CNTNAP2: variants seen among roughly 807,000 people sequenced by gnomAD.
The protein encoded by CNTNAP2 is contactin-associated protein-like 2.
Under a neutral mutation model 155.2 loss-of-function variants are expected in CNTNAP2, and 98 were observed. The ratio of observed to expected loss-of-function variants is 0.63; its 90% CI spans 0.54 to 0.75. The LOEUF (loss-of-function observed/expected upper bound fraction) is 0.75. Among genes scored for constraint, CNTNAP2 ranks in the 30% least tolerant of loss-of-function variants. CNTNAP2 has a pLI of 0.00. For missense variants in CNTNAP2, 1,727 were observed against 1,688.1 expected (o/e 1.02, Z -0.40); for synonymous variants, 651 against 631.2 (o/e 1.03, Z -0.47).
At position 146,508,814 on chromosome 7, in the gene CNTNAP2, A is replaced by G. The variant is rs375260412; in HGVS notation, c.98-265457A>G. On this transcript the variant is annotated intron_variant, in intron 1 of 23. Coordinates refer to ENST00000361727, the MANE Select transcript of CNTNAP2 (RefSeq NM_014141.6). ...GCCTCCACAAAGTTAACAGCACTTCATTGGGTTGCCTCTCAGTTTTCTCTC... is the reference window on the plus strand; with the variant it reads ...GCCTCCACAAAGTTAACAGCACTTCGTTGGGTTGCCTCTCAGTTTTCTCTC... Among the ~76,000 whole-genome samples the G allele has an allele frequency of 3.3e-4, 51 of 152,252 alleles. No homozygotes were observed. The South Asian group carries it at 1.0e-2, about 30-fold the overall frequency.
chr7:146,693,039 G>T (rs937015940), intron 1 of CNTNAP2, among the ~76,000 whole-genome samples: 3 of 152,050 alleles, frequency 2.0e-5, no homozygotes, highest in Admixed American at 1.3e-4. Context: ...AATTCTGATT[G>T]TGTCATTTAC....
intron 9 of CNTNAP2, among the ~76,000 whole-genome samples, chr7:147,313,780 T>A (rs903429869): frequency 7.2e-5 from 11 of 152,084 alleles, no homozygotes; most frequent in Admixed American, 3.3e-4. Flanking sequence ...TTTAAAGTAG[T>A]TTTTTCCCAT....
At chr7:146,125,444 C>T (rs1359041419) in intron 1 of CNTNAP2, among the ~76,000 whole-genome samples, 6 of 151,384 alleles carry the variant, frequency 4.0e-5, no homozygotes, top group African/African-American at 9.7e-5. Context: ...GGCGTTGTGG[C>T]GGGCGCCTGT....
chr7:146,232,302 T>TA (rs754782097), intron 1 of CNTNAP2, among the ~76,000 whole-genome samples: 2 of 47,670 alleles, frequency 4.2e-5, no homozygotes, highest in African/African-American at 1.8e-4. Context: ...TTAAATAATA[T>TA]ATAATTTTAA....
In CNTNAP2 at chr7:146,854,728, T is replaced by C. The variant is rs75723773; in HGVS notation, c.402+14824T>C. Among the ~76,000 whole-genome samples, 296 of 152,286 alleles carry C rather than the reference T, an allele frequency of 1.9e-3. 2 individuals carry two copies. The highest frequency in any genetic ancestry group is 6.8e-3 in the African/African-American group (283 of 41,564). ...TGAAGAGGGTATTTCTAAAGAAATA[T>C]GTTTGGATGTCATTGCCTCTGGTTT... On this transcript the variant is annotated intron_variant, in intron 3 of 23. Coordinates refer to ENST00000361727, the MANE Select transcript of CNTNAP2 (RefSeq NM_014141.6).
At chr7:146,397,545 T>C (rs1480671258) in intron 1 of CNTNAP2, among the ~76,000 whole-genome samples, 2 of 152,194 alleles carry the variant, frequency 1.3e-5, no homozygotes, top group East Asian at 3.9e-4. Flanking sequence ...AAAGTTACCA[T>C]GGAAGATGAT....
chr7:146,356,217 A>C (rs1320585769), intron 1 of CNTNAP2, among the ~76,000 whole-genome samples: 2 of 152,146 alleles, frequency 1.3e-5, no homozygotes, highest in African/African-American at 4.8e-5. Flanking sequence ...AAAGTTCTTC[A>C]ATAAGAGATT....
intron 13 of CNTNAP2, among the ~76,000 whole-genome samples, chr7:147,699,706 T>C (rs1354161893): frequency 6.6e-6 from 1 of 152,166 alleles, no homozygotes; most frequent in Admixed American, 6.6e-5. Flanking sequence ...AAATATAACA[T>C]TAACCATTTT....
intron 13 of CNTNAP2, among the ~76,000 whole-genome samples, chr7:147,709,041 C>G (rs1043332861): frequency 6.6e-6 from 1 of 151,938 alleles, no homozygotes; most frequent in African/African-American, 2.4e-5. Context: ...GATCCTCGTT[C>G]AAAAAACGAC....
chr7:147,786,459 C>G (rs1379326235), intron 13 of CNTNAP2, among the ~76,000 whole-genome samples: 1 of 152,134 alleles, frequency 6.6e-6, no homozygotes, highest in Non-Finnish European at 1.5e-5. Flanking sequence ...GACCTTTATA[C>G]AAGGGCTTGA....
intron 1 of CNTNAP2, among the ~76,000 whole-genome samples, chr7:146,397,135 A>C (rs528610435): frequency 2.6e-5 from 4 of 152,316 alleles, no homozygotes; most frequent in East Asian, 1.9e-4. Context: ...GCTTTATGCT[A>C]TCTGAAAATT....
At chr7:148,022,468 C>CAA (rs745936599) in intron 15 of CNTNAP2, among the ~76,000 whole-genome samples, 13 of 91,102 alleles carry the variant, frequency 1.4e-4, no homozygotes, top group African/African-American at 4.5e-4. Context: ...GACTCCGTCT[C>CAA]AAAAAAAAAA....
intron 1 of CNTNAP2, among the ~76,000 whole-genome samples, chr7:146,233,197 T>A (rs966886613): frequency 6.6e-6 from 1 of 152,186 alleles, no homozygotes; most frequent in African/African-American, 2.4e-5. Flanking sequence ...TATGGTTTAC[T>A]TGAGAATAGA....
At chr7:146,151,862 G>C (rs1339972077) in intron 1 of CNTNAP2, among the ~76,000 whole-genome samples, 2 of 150,466 alleles carry the variant, frequency 1.3e-5, no homozygotes, top group East Asian at 3.9e-4. Flanking sequence ...AAAGACAAAA[G>C]ATAATAAGTC....
At chr7:148,363,072 C>G (rs1349025652) in intron 21 of CNTNAP2, among the ~76,000 whole-genome samples, 1 of 152,158 alleles carries the variant, frequency 6.6e-6, no homozygotes, top group African/African-American at 2.4e-5. Flanking sequence ...ACCTCCACCT[C>G]CTGGGTTCAA....
chr7:148,149,387 A>G, intron 17 of CNTNAP2, among the ~76,000 whole-genome samples: 1 of 152,218 alleles, frequency 6.6e-6, no homozygotes, highest in Non-Finnish European at 1.5e-5. Flanking sequence ...GAACCATGGA[A>G]TATAAGGGAT....
intron 10 of CNTNAP2, among the ~76,000 whole-genome samples, chr7:147,422,922 C>CTT (rs1456935281): frequency 6.6e-6 from 1 of 151,982 alleles, no homozygotes; most frequent in Non-Finnish European, 1.5e-5. Flanking sequence ...TTATATATAA[C>CTT]TTTACTGCAT....
At chr7:147,437,737 T>C (rs1030082259) in intron 10 of CNTNAP2, among the ~76,000 whole-genome samples, 1 of 152,132 alleles carries the variant, frequency 6.6e-6, no homozygotes, top group Non-Finnish European at 1.5e-5. Context: ...AAGAATGCCA[T>C]TGATGTTTTG....
At chr7:146,138,550 T>C (rs1205883198) in intron 1 of CNTNAP2, among the ~76,000 whole-genome samples, 8 of 152,204 alleles carry the variant, frequency 5.3e-5, no homozygotes, top group African/African-American at 1.9e-4. Context: ...CATTTCATTA[T>C]GGGTAAGAAA....
Sources: allele counts gnomAD v4.1 joint callset (sites outside exome capture counted in the v4.1 genomes callset), GRCh38; gene constraint gnomAD v4.1.1; transcripts MANE v1.5; gene names NCBI Gene and HGNC (gene_info 2026-07-23, HGNC 2026-07-21).